Variants in GIT2 observed in about 807,000 individuals in gnomAD.
GIT2 encodes GIT ArfGAP 2.
In GIT2, 32 loss-of-function variants were observed where a neutral mutation model predicts 100.3. The observed-to-expected ratio is 0.32, with a 90% CI of 0.24 to 0.43. GIT2 has a LOEUF of 0.43. Among genes scored for constraint, GIT2 ranks in the 20% least tolerant of loss-of-function variants. GIT2 has a pLI of 1.00. For missense variants in GIT2, 737 were observed against 975.1 expected (o/e 0.76, Z 3.25); for synonymous variants, 353 against 364.1 (o/e 0.97, Z 0.35).
chr12:109,952,395 G>A, intron 13 of GIT2: 3 of 467,652 alleles, frequency 6.4e-6, no homozygotes, highest in South Asian at 4.8e-5. Context: ...GCCTGCATCA[G>A]CTCCAGTATG....
chr12:109,939,108 G>GC, intron 17 of GIT2, 57 bp downstream of exon 17: 1 of 1,000,024 alleles, frequency 1.0e-6, no homozygotes, highest in Non-Finnish European at 1.6e-6. Flanking sequence ...GCCCAGGCCT[G>GC]CCAGGTCTCT....
At position 109,960,361 on chromosome 12, in the gene GIT2, C is replaced by T. The variant is rs190447681; in HGVS notation, c.988-403G>A. Among the ~76,000 whole-genome samples, 10 of 152,266 alleles carry T rather than the reference C, an allele frequency of 6.6e-5. No individual in the cohort carries two copies. In the East Asian group the frequency reaches 1.2e-3, roughly 18 times the overall value. The stretch of plus-strand genomic sequence containing the variant: ...AGTTTAGGCCGGGTGCAGTGGCTCA[C>T]GCCTGTAATCCCAGAACCTTGGGAG... On this transcript the variant is annotated intron_variant, in intron 11 of 19. Coordinates refer to ENST00000355312, the MANE Select transcript of GIT2 (RefSeq NM_057169.5).
upstream of GIT2, chr12:109,996,479 ATC>A (rs1260304581): frequency 6.2e-6 from 3 of 486,376 alleles, no homozygotes; most frequent in African/African-American, 4.1e-5. Flanking sequence ...CCCGAGTATC[ATC>A]TGTCCTACCT....
intron 7 of GIT2, among the ~76,000 whole-genome samples, chr12:109,974,865 G>A (rs1243956049): frequency 1.3e-5 from 2 of 151,942 alleles, no homozygotes; most frequent in Non-Finnish European, 2.9e-5. Context: ...TGAGTGTAGA[G>A]TCTCCAACAA....
chr12:109,968,780 C>T (rs1043757311), intron 7 of GIT2, among the ~76,000 whole-genome samples: 1 of 144,798 alleles, frequency 6.9e-6, no homozygotes, highest in African/African-American at 2.6e-5. Context: ...AGTGCAGTGG[C>T]GTGGATCTCG....
chr12:109,961,579 C>T, intron 10 of GIT2, 34 bp downstream of exon 10: 1 of 1,396,844 alleles, frequency 7.2e-7, no homozygotes, highest in Non-Finnish European at 1.0e-6. Flanking sequence ...CCACTGATAA[C>T]AGAAGCTTAT....
rs1324238784 is a variant in GIT2, at chr12:109,949,341, G to C, written c.1392+1826C>G. Among the ~76,000 whole-genome samples the C allele has an allele frequency of 4.6e-5, 7 of 152,226 alleles. 1 individual carries two copies. The highest frequency in any genetic ancestry group is 1.7e-4 in the African/African-American group (7 of 41,460). ...GGTGCATGTGATCACGTGTTTGTCT[G>C]TATAAAAAGCCTCTGTGGCAGTTAT... On this transcript the variant is annotated intron_variant, in intron 14 of 19. Coordinates refer to ENST00000355312, the MANE Select transcript of GIT2 (RefSeq NM_057169.5).
At chr12:109,946,819 AGACGTCTT>A (rs893677795) in intron 15 of GIT2, among the ~76,000 whole-genome samples, 3 of 152,170 alleles carry the variant, frequency 2.0e-5, no homozygotes, top group Non-Finnish European at 4.4e-5. Context: ...GGAGCTGAAA[AGACGTCTT>A]GGATTCTAAG....
chr12:109,933,167 C>T lies in GIT2; in HGVS notation c.2091G>A (p.Arg697=), dbSNP rs781680493. 1 of 1,567,790 alleles carries T rather than the reference C, an allele frequency of 6.4e-7. No homozygotes were observed. The highest frequency in any genetic ancestry group is 1.4e-5 in the African/African-American group (1 of 73,922). The change falls in exon 20 of 20, where the codon AGG becomes AGA. Residue 697 remains arginine, a synonymous_variant. Coordinates refer to ENST00000355312, the MANE Select transcript of GIT2 (RefSeq NM_057169.5). This position sits in a 1 kb window ranked among gnomAD's most constrained non-coding sequence, Gnocchi z 4.5. ...FPKKPKSDMV[R]TSLRLLTSSA... is the part of the protein sequence containing the mutation. Reference sequence around the variant, plus strand: ...TGGACGTCAGTAAACGAAGGGAAGTCCTCACCATATCAGACTTGGGTTTCT... The same window carrying T: ...TGGACGTCAGTAAACGAAGGGAAGTTCTCACCATATCAGACTTGGGTTTCT...
intron 16 of GIT2, among the ~76,000 whole-genome samples, chr12:109,942,373 G>A (rs1386701056): frequency 6.6e-6 from 1 of 152,026 alleles, no homozygotes; most frequent in Non-Finnish European, 1.5e-5. Context: ...TGTCGCCCAG[G>A]CTGGAGTGCA....
At chr12:109,978,077 T>C (rs1036573598) in intron 7 of GIT2, among the ~76,000 whole-genome samples, 1 of 90,228 alleles carries the variant, frequency 1.1e-5, no homozygotes, top group Non-Finnish European at 1.9e-5. Context: ...AATTTAGAGG[T>C]TTTTTTTTTT....
At chr12:109,997,670 G>A (rs1889640531), upstream of GIT2, 2 of 152,090 alleles carry the variant, frequency 1.3e-5, no homozygotes, top group African/African-American at 4.8e-5. Flanking sequence ...AAGGACAGAT[G>A]GAATAAATTA....
intron 9 of GIT2, among the ~76,000 whole-genome samples, chr12:109,961,910 C>G (rs1368459701): frequency 6.6e-6 from 1 of 152,154 alleles, no homozygotes; most frequent in Non-Finnish European, 1.5e-5. Flanking sequence ...GACAGAGCTG[C>G]TGCTATTAAG....
Position 109,996,174 on chromosome 12 carries a change from C to T in GIT2, c.51G>A (p.Pro17=). ...SSEVCADCSG[P]DPSWASVNRG... Reference sequence around the variant, plus strand: ...GCGGGCCCGGCCGGTGCGACTCACCCGGCCCGCTGCAGTCAGCGCACACCT... The same window carrying T: ...GCGGGCCCGGCCGGTGCGACTCACCTGGCCCGCTGCAGTCAGCGCACACCT... Residue 17 remains proline (P), a splice_region_variant and synonymous_variant, in exon 1 of 20, where the codon CCG becomes CCA. Coordinates refer to ENST00000355312, the MANE Select transcript of GIT2 (RefSeq NM_057169.5). The T allele has an allele frequency of 6.6e-7, 1 of 1,519,572 alleles. No individual in the cohort carries two copies. The highest frequency in any genetic ancestry group is 8.8e-7 in the Non-Finnish European group (1 of 1,132,026). The allele number at this position is 1,519,572 out of a possible 1,614,324, so 94.1% of individuals were successfully genotyped here. A position where few individuals can be genotyped will look rare whatever the true frequency, so the allele number is the denominator to read the frequency against.
chr12:109,983,123 C>A, intron 6 of GIT2: 1 of 364,242 alleles, frequency 2.7e-6, no homozygotes, highest in Admixed American at 4.3e-5. Flanking sequence ...CTGACTACAG[C>A]TCAAACATCA....
rs1320754457 is a variant in GIT2 at position 109,962,705 on chromosome 12, C to T, written c.817-1020G>A. Among the ~76,000 whole-genome samples, 1 of 152,268 alleles carries T rather than the reference C, an allele frequency of 6.6e-6. No individual in the cohort carries two copies. Among genetic ancestry groups the T allele is most frequent in the Non-Finnish European group, 1.5e-5 (1 of 68,046 alleles). ...TTGTGACTCTTAAACTGTCTGACAT[C>T]TGCTTTGGGAGGGCAGATGCTGAAT... On this transcript the variant is annotated intron_variant, in intron 9 of 19. Transcript: ENST00000355312. This position sits in a 1 kb window ranked among gnomAD's most constrained non-coding sequence, Gnocchi z 4.3.
At chr12:109,936,118 T>A (rs1447409693) in intron 18 of GIT2, among the ~76,000 whole-genome samples, 2 of 152,092 alleles carry the variant, frequency 1.3e-5, no homozygotes, top group Non-Finnish European at 2.9e-5. Flanking sequence ...ATTCGTACAA[T>A]TCAAGATGAT....
At chr12:109,936,991 C>T (rs571287970) in intron 18 of GIT2, among the ~76,000 whole-genome samples, 10 of 152,244 alleles carry the variant, frequency 6.6e-5, no homozygotes, top group African/African-American at 9.6e-5. Context: ...GCTTGTAACC[C>T]GTGGGGTCCC....
At chr12:109,981,647 A>C (rs77296998) in intron 6 of GIT2, 2,219 of 152,610 alleles carry the variant, frequency 0.015, 62 homozygotes, top group African/African-American at 0.052. Context: ...TGCACAACAG[A>C]AAATATTAAG....
Sources: allele counts gnomAD v4.1 joint callset (sites outside exome capture counted in the v4.1 genomes callset), GRCh38; gene constraint gnomAD v4.1.1; non-coding constraint Gnocchi (gnomAD v3.1); transcripts MANE v1.5; gene names NCBI Gene and HGNC (gene_info 2026-07-23, HGNC 2026-07-21).